The following METTL24 variants were observed in gnomAD, a reference collection of about 807,000 sequenced individuals.
METTL24 encodes methyltransferase like 24, also known as probable methyltransferase-like protein 24.
Under a neutral mutation model 32.7 loss-of-function variants are expected in METTL24, and 29 were observed. The ratio of observed to expected loss-of-function variants is 0.89; its 90% CI spans 0.66 to 1.21. The LOEUF is 1.21. METTL24 is among the 50% of genes most tolerant of loss of function. The pLI, the probability that METTL24 is intolerant of heterozygous loss-of-function variation, is 0.00. For missense variants in METTL24, 439 were observed against 468.1 expected (o/e 0.94, Z 0.57); for synonymous variants, 163 against 179.5 (o/e 0.91, Z 0.73).
At chr6:110,279,010 T>C (rs1163791005) in intron 4 of METTL24, among the ~76,000 whole-genome samples, 1 of 150,394 alleles carries the variant, frequency 6.6e-6, no homozygotes, top group African/African-American at 2.5e-5. Flanking sequence ...AACAGTGATG[T>C]TCCACAAAGA....
rs115325738 is a variant in METTL24, at chr6:110,270,471, C to T, written c.787-24211G>A. Reference sequence around the variant, plus strand: ...ATGGGGCTAAGCAGACAGTCAGTTGCTAACCTGTCGCCATGAACACCTTCC... The same window carrying T: ...ATGGGGCTAAGCAGACAGTCAGTTGTTAACCTGTCGCCATGAACACCTTCC... On this transcript the variant is annotated intron_variant, in intron 4 of 4. Transcript: ENST00000338882. Among the ~76,000 whole-genome samples, 322 of 152,216 alleles carry T rather than the reference C, an allele frequency of 2.1e-3. 1 individual carries two copies. The highest frequency in any genetic ancestry group is 7.6e-3 in the African/African-American group (314 of 41,522).
At position 110,315,556 on chromosome 6, in the gene METTL24, C is replaced by T. The variant is rs918700124; in HGVS notation, c.418-75G>A. On this transcript the variant is annotated intron_variant, in intron 2 of 4. Coordinates refer to ENST00000338882, the MANE Select transcript of METTL24 (RefSeq NM_001123364.3). ...ATAGCAGGTAGGGACTTATTGCTTC[C>T]CCATCCTTGAAAACCGTAATAGGAA... The T allele has an allele frequency of 1.7e-5, 25 of 1,503,834 alleles. No homozygotes were observed. In the African/African-American group the frequency reaches 3.3e-4, roughly 20 times the overall value. The allele number at this position is 1,503,834 out of a possible 1,614,324, so 93.2% of individuals were successfully genotyped here.
chr6:110,354,241 G>C (rs908840527), intron 1 of METTL24, among the ~76,000 whole-genome samples: 1 of 152,178 alleles, frequency 6.6e-6, no homozygotes, highest in African/African-American at 2.4e-5. Flanking sequence ...CATGAAGAAG[G>C]GGACGAGGAA....
At chr6:110,258,789 TACACAC>T (rs146964745) in intron 4 of METTL24, among the ~76,000 whole-genome samples, 2,354 of 145,864 alleles carry the variant, frequency 0.016, 24 homozygotes, top group African/African-American at 0.028. Context: ...TAGATGCATT[TACACAC>T]ACACACACAC....
At position 110,358,328 on chromosome 6, in the gene METTL24, C is replaced by T; in HGVS notation, c.-56G>A. 1 of 1,313,218 alleles carries T rather than the reference C, an allele frequency of 7.6e-7. No homozygotes were observed. The highest frequency in any genetic ancestry group is 9.8e-7 in the Non-Finnish European group (1 of 1,016,486). The allele number at this position is 1,313,218 out of a possible 1,614,324, so 81.3% of individuals were successfully genotyped here. On this transcript the variant is annotated 5_prime_UTR_variant, in exon 1 of 5. Transcript: ENST00000338882. The stretch of plus-strand genomic sequence containing the variant: ...CCTGGCCGGCAGCAGGGATGTAGCC[C>T]CACAGGCCGGAGCGGCCAACTGTGG...
rs1772123756 is a variant in METTL24 at position 110,332,354 on chromosome 6, T to C, written c.319-9482A>G. 1.4e-5 allele frequency: 3 copies of C among 218,656 alleles called. No individual in the cohort carries two copies. The Admixed American group carries it at 2.0e-4, about 14-fold the overall frequency. 13.5% of individuals were successfully genotyped at this position (218,656 alleles called of 1,614,324 possible). ...AAAATGGTTCAAATGTGAGCAAGAC[T>C]GAAACACACCAGGGGATGGCTAAGA... On this transcript the variant is annotated intron_variant, in intron 1 of 4. Transcript: ENST00000338882.
chr6:110,309,862 C>CAAAAAAA (rs11408319), intron 3 of METTL24, among the ~76,000 whole-genome samples: 4 of 148,028 alleles, frequency 2.7e-5, no homozygotes, highest in African/African-American at 1.0e-4. Flanking sequence ...TTCTTAGGAG[C>CAAAAAAA]AAAAAAAACA....
At chr6:110,298,343 T>C (rs536170525) in intron 4 of METTL24, among the ~76,000 whole-genome samples, 1 of 152,346 alleles carries the variant, frequency 6.6e-6, no homozygotes, top group Middle Eastern at 3.4e-3. Flanking sequence ...TTGCTGTCCA[T>C]TCATAATAAA....
At chr6:110,344,434 C>T (rs1772428054) in intron 1 of METTL24, among the ~76,000 whole-genome samples, 1 of 152,080 alleles carries the variant, frequency 6.6e-6, no homozygotes. Flanking sequence ...TGAAAAAAGC[C>T]ACACAGTAAA....
rs1330049708 is a variant in METTL24 at position 110,298,235 on chromosome 6, G to A, written c.786+687C>T. Among the ~76,000 whole-genome samples, 4 of 152,294 alleles carry A rather than the reference G, an allele frequency of 2.6e-5. No homozygotes were observed. In the South Asian group the frequency reaches 6.2e-4, roughly 24 times the overall value. On this transcript the variant is annotated intron_variant, in intron 4 of 4. Coordinates refer to ENST00000338882, the MANE Select transcript of METTL24 (RefSeq NM_001123364.3). ...TCAAACACAAGCCAACTGCACTCAGGAGAAATTCTCTAGTATCTGCCTACA... is the reference window on the plus strand; with the variant it reads ...TCAAACACAAGCCAACTGCACTCAGAAGAAATTCTCTAGTATCTGCCTACA...
At position 110,320,619 on chromosome 6, in the gene METTL24, C is replaced by T. The variant is rs184099367; in HGVS notation, c.417+2155G>A. 2.6e-5 allele frequency among the ~76,000 whole-genome samples: 4 copies of T among 152,302 alleles called. 1 individual carries two copies. Among genetic ancestry groups the T allele is most frequent in the East Asian group, 1.9e-4 (1 of 5,182 alleles). ...AAATCCTTCTAGTGAGCTTCAACAA[C>T]AAATTCTCTATTATCGCTCATCAAG... is the stretch of plus-strand genomic sequence containing the variant. On this transcript the variant is annotated intron_variant, in intron 2 of 4. Transcript: ENST00000338882.
chr6:110,325,820 T>G (rs1211387321), intron 1 of METTL24, among the ~76,000 whole-genome samples: 2 of 152,130 alleles, frequency 1.3e-5, no homozygotes, highest in African/African-American at 4.8e-5. Context: ...TGAATCCCAG[T>G]TTCCACCCCA....
intron 4 of METTL24, among the ~76,000 whole-genome samples, chr6:110,278,591 A>G (rs546635445): frequency 6.6e-6 from 1 of 152,320 alleles, no homozygotes; most frequent in East Asian, 1.9e-4. Context: ...TTTCACCCAT[A>G]ATAGAAAAAC....
chr6:110,266,054 C>T (rs1770852414), intron 4 of METTL24, among the ~76,000 whole-genome samples: 2 of 152,022 alleles, frequency 1.3e-5, no homozygotes, highest in Non-Finnish European at 2.9e-5. Context: ...GTGCATACCA[C>T]CACACCAGGC....
chr6:110,286,154 G>T (rs9487341), intron 4 of METTL24, among the ~76,000 whole-genome samples: 7,823 of 152,270 alleles, frequency 0.051, 554 homozygotes, highest in African/African-American at 0.16. Flanking sequence ...CTCATCGACT[G>T]GGTGGGGAGA....
At chr6:110,295,507 C>T (rs72935927) in intron 4 of METTL24, among the ~76,000 whole-genome samples, 8,378 of 152,264 alleles carry the variant, frequency 0.055, 306 homozygotes, top group Non-Finnish European at 0.087. Flanking sequence ...CCAGAGGGCC[C>T]CAGCCCCAAG....
chr6:110,341,691 C>A (rs1227695098), intron 1 of METTL24, among the ~76,000 whole-genome samples: 2 of 152,158 alleles, frequency 1.3e-5, no homozygotes, highest in African/African-American at 4.8e-5. Context: ...TAGAGGCAGT[C>A]TCAGTATAGA....
intron 1 of METTL24, among the ~76,000 whole-genome samples, chr6:110,340,383 C>T (rs147141814): frequency 1.3e-5 from 2 of 152,240 alleles, no homozygotes; most frequent in Non-Finnish European, 2.9e-5. Flanking sequence ...TAAAGATGAA[C>T]ACCAGTTACT....
chr6:110,287,781 G>A (rs1771250419), intron 4 of METTL24, among the ~76,000 whole-genome samples: 1 of 152,188 alleles, frequency 6.6e-6, no homozygotes, highest in Non-Finnish European at 1.5e-5. Context: ...CAGAGTGCCT[G>A]CTAGGTACTT....
Sources: allele counts gnomAD v4.1 joint callset (sites outside exome capture counted in the v4.1 genomes callset), GRCh38; gene constraint gnomAD v4.1.1; transcripts MANE v1.5; gene names NCBI Gene and HGNC (gene_info 2026-07-23, HGNC 2026-07-21).